Variants in GALNT9 observed in about 807,000 individuals in gnomAD.
GALNT9 encodes GalNAc transferase 9.
A neutral mutation model predicts 63.1 loss-of-function variants in GALNT9; 47 were observed. That is an observed-to-expected ratio of 0.75 (90% CI 0.59 to 0.95). The LOEUF is 0.95. GALNT9 is among the 40% of genes least tolerant of loss of function. GALNT9 has a pLI of 0.00. For synonymous variants in GALNT9, 396 were observed against 365.7 expected (o/e 1.08, Z -0.94); for missense variants, 829 against 874.8 (o/e 0.95, Z 0.66).
At chr12:132,197,765 C>A in intron 10 of GALNT9, 27 bp downstream of exon 10, 4 of 1,471,864 alleles carry the variant, frequency 2.7e-6, no homozygotes, top group South Asian at 2.4e-5. Flanking sequence ...GCCCCAACCC[C>A]ACGGCCCCCC....
At position 132,319,667 on chromosome 12, in the gene GALNT9, G is replaced by A. The variant is rs576719500; in HGVS notation, c.238+9299C>T. ...AGTTTGCTTTTCAACAGGCCTTTCCGTCTGGGGCAGGTCAACACCCCACTC... is the reference window on the plus strand; with the variant it reads ...AGTTTGCTTTTCAACAGGCCTTTCCATCTGGGGCAGGTCAACACCCCACTC... On this transcript the variant is annotated intron_variant, in intron 1 of 10. Transcript: ENST00000328957. This position sits in a 1 kb window ranked among gnomAD's most constrained non-coding sequence, Gnocchi z 5.2. Among the ~76,000 whole-genome samples, 15 of 152,200 alleles carry A rather than the reference G, an allele frequency of 9.9e-5. 1 individual carries two copies. In the East Asian group the frequency reaches 2.1e-3, roughly 22 times the overall value.
rs1024684404 is a variant in GALNT9, at chr12:132,286,983, C to T, written c.239-553G>A. ...CCTCCCAAAGTGCTGGGATTACAGG[C>T]GTGAGTCACTGCACTGGCCAATACT... On this transcript the variant is annotated intron_variant, in intron 1 of 10. Transcript: ENST00000328957. The surrounding 1 kb of genome is among the most constrained non-coding windows in gnomAD (Gnocchi z 7.4). 6.8e-6 allele frequency among the ~76,000 whole-genome samples: 1 copy of T among 147,926 alleles called. No homozygotes were observed. The highest frequency in any genetic ancestry group is 2.5e-5 in the African/African-American group (1 of 40,342).
At chr12:132,272,827 TC>T (rs1207580774) in intron 2 of GALNT9, 4 of 152,206 alleles carry the variant, frequency 2.6e-5, no homozygotes, top group Non-Finnish European at 5.9e-5. Flanking sequence ...GCGTCCACCC[TC>T]CCTCCACTTC....
At chr12:132,293,811 T>C (rs1555242996) in intron 1 of GALNT9, among the ~76,000 whole-genome samples, 3 of 151,530 alleles carry the variant, frequency 2.0e-5, no homozygotes, top group Non-Finnish European at 4.4e-5. Flanking sequence ...CCGTATACAG[T>C]CAGGGCCAGA....
intron 6 of GALNT9, among the ~76,000 whole-genome samples, chr12:132,210,049 A>G (rs1213570038): frequency 2.6e-5 from 4 of 152,150 alleles, no homozygotes; most frequent in Non-Finnish European, 4.4e-5. Context: ...TGGTCACACG[A>G]GGAAGACACG....
intron 6 of GALNT9, among the ~76,000 whole-genome samples, chr12:132,222,617 C>T (rs1355502678): frequency 1.3e-5 from 2 of 151,946 alleles, no homozygotes. Context: ...GCCGACGATG[C>T]GTGGAGCACT....
intron 5 of GALNT9, among the ~76,000 whole-genome samples, chr12:132,254,252 A>G (rs1593086618): frequency 6.6e-6 from 1 of 151,874 alleles, no homozygotes; most frequent in East Asian, 1.9e-4. Flanking sequence ...CAGGTGATCC[A>G]CCCGCCTCGG....
intron 2 of GALNT9, among the ~76,000 whole-genome samples, chr12:132,271,373 A>G (rs1339280951): frequency 6.6e-6 from 1 of 151,982 alleles, no homozygotes; most frequent in Non-Finnish European, 1.5e-5. Flanking sequence ...CCACCCGCAC[A>G]CCTGTACATC....
chr12:132,263,039 C>A (rs1229302896), intron 2 of GALNT9, among the ~76,000 whole-genome samples: 1 of 152,112 alleles, frequency 6.6e-6, no homozygotes, highest in East Asian at 1.9e-4. Context: ...AGGAGCCTCC[C>A]CTGTGGGCCA....
chr12:132,269,219 C>T (rs1294565638), intron 2 of GALNT9, among the ~76,000 whole-genome samples: 1 of 151,852 alleles, frequency 6.6e-6, no homozygotes. Flanking sequence ...GCAGCGTCAC[C>T]TGCCCGACTG....
chr12:132,266,025 ACC>A (rs1555240148), intron 2 of GALNT9, among the ~76,000 whole-genome samples: 3 of 144,852 alleles, frequency 2.1e-5, no homozygotes, highest in East Asian at 2.0e-4. Context: ...TACACGCCCG[ACC>A]TCGCCGTATT....
chr12:132,235,305 C>T (rs1363968515), intron 6 of GALNT9, among the ~76,000 whole-genome samples: 2 of 151,340 alleles, frequency 1.3e-5, no homozygotes, highest in African/African-American at 2.4e-5. Flanking sequence ...GCGCTGTGCA[C>T]GGTGTGGTCA....
intron 6 of GALNT9, among the ~76,000 whole-genome samples, chr12:132,215,423 C>T (rs1312783902): frequency 6.6e-6 from 1 of 152,216 alleles, no homozygotes; most frequent in African/African-American, 2.4e-5. Flanking sequence ...GGGTGTGGCC[C>T]TCGCTCTTGG....
rs1282599367 is a variant in GALNT9 at position 132,238,412 on chromosome 12, G to A, written c.1077+9498C>T. ...ACTCATAACCCTACTACGGCTTCCT[G>A]TAAGGGGGAGTGGAGGCCGGGGCAG... is the stretch of plus-strand genomic sequence containing the variant. On this transcript the variant is annotated intron_variant, in intron 6 of 10. Transcript: ENST00000328957. This position sits in a 1 kb window ranked among gnomAD's most constrained non-coding sequence, Gnocchi z 6.5. Among the ~76,000 whole-genome samples, 5 of 152,172 alleles carry A rather than the reference G, an allele frequency of 3.3e-5. No individual in the cohort carries two copies. The highest frequency in any genetic ancestry group is 9.7e-5 in the African/African-American group (4 of 41,434).
intron 1 of GALNT9, among the ~76,000 whole-genome samples, chr12:132,313,331 AT>A (rs1881884825): frequency 6.9e-6 from 1 of 145,196 alleles, no homozygotes; most frequent in South Asian, 2.2e-4. Flanking sequence ...CCATCCACCC[AT>A]CCACTCACCC....
chr12:132,239,411 CTG>C (rs1555236648), intron 6 of GALNT9, among the ~76,000 whole-genome samples: 1 of 149,294 alleles, frequency 6.7e-6, no homozygotes, highest in East Asian at 2.0e-4. Context: ...GAGACACACA[CTG>C]AGAGACTGAG....
chr12:132,221,658 CAAAA>C (rs761220333), intron 6 of GALNT9, among the ~76,000 whole-genome samples: 1 of 79,626 alleles, frequency 1.3e-5, no homozygotes. Context: ...GAGACGTTCT[CAAAA>C]AAAAAAAAAA....
At chr12:132,248,936 G>C (rs952359932) in intron 5 of GALNT9, among the ~76,000 whole-genome samples, 4 of 152,244 alleles carry the variant, frequency 2.6e-5, no homozygotes, top group Non-Finnish European at 4.4e-5. Flanking sequence ...AGGATCTGCG[G>C]AGCAGTGAAG....
At chr12:132,323,516 G>A (rs1336590316) in intron 1 of GALNT9, among the ~76,000 whole-genome samples, 1 of 152,220 alleles carries the variant, frequency 6.6e-6, no homozygotes, top group African/African-American at 2.4e-5. Flanking sequence ...GGTCAGATGG[G>A]GTCAAAATCC....
Sources: allele counts gnomAD v4.1 joint callset (sites outside exome capture counted in the v4.1 genomes callset), GRCh38; gene constraint gnomAD v4.1.1; non-coding constraint Gnocchi (gnomAD v3.1); transcripts MANE v1.5; gene names NCBI Gene and HGNC (gene_info 2026-07-23, HGNC 2026-07-21).